Variants in NEK11 observed in about 807,000 individuals in gnomAD.
The protein encoded by NEK11 is serine/threonine-protein kinase Nek11.
In NEK11, 72 loss-of-function variants were observed where a neutral mutation model predicts 80.7. The ratio of observed to expected loss-of-function variants is 0.89; its 90% CI spans 0.74 to 1.08. The LOEUF (loss-of-function observed/expected upper bound fraction) is 1.08. NEK11 is among the 50% of genes least tolerant of loss of function. The pLI, the probability that NEK11 is intolerant of heterozygous loss-of-function variation, is 0.00. For synonymous variants in NEK11, 251 were observed against 260.7 expected (o/e 0.96, Z 0.36); for missense variants, 764 against 763.6 (o/e 1.00, Z -0.01).
chr3:131,245,003 G>T (rs2095575896), intron 16 of NEK11, among the ~76,000 whole-genome samples: 2 of 151,978 alleles, frequency 1.3e-5, no homozygotes, highest in Admixed American at 6.6e-5. Flanking sequence ...ATTGCACAGT[G>T]GTAAAGTCTG....
At chr3:131,289,128 G>A (rs2096515361) in intron 17 of NEK11, among the ~76,000 whole-genome samples, 1 of 152,310 alleles carries the variant, frequency 6.6e-6, no homozygotes, top group East Asian at 1.9e-4. Context: ...GGTGCCAGCA[G>A]GTTTGGTTTC....
chr3:131,224,273 T>C (rs1370053159), intron 14 of NEK11, among the ~76,000 whole-genome samples: 1 of 152,090 alleles, frequency 6.6e-6, no homozygotes, highest in Non-Finnish European at 1.5e-5. Context: ...TGTTACCCAG[T>C]CTGGAGTGCA....
chr3:131,220,804 A>C (rs1186444367), intron 14 of NEK11, among the ~76,000 whole-genome samples: 1 of 152,176 alleles, frequency 6.6e-6, no homozygotes, highest in Non-Finnish European at 1.5e-5. Context: ...CACCTGGAGA[A>C]AGCTCCAGCC....
At chr3:131,295,711 T>C (rs538668952) in intron 17 of NEK11, among the ~76,000 whole-genome samples, 110 of 152,354 alleles carry the variant, frequency 7.2e-4, no homozygotes, top group African/African-American at 2.5e-3. Context: ...TATTGATTTC[T>C]TTTTATGGTT....
At chr3:131,159,944 G>T (rs1354149382) in intron 10 of NEK11, among the ~76,000 whole-genome samples, 1 of 152,150 alleles carries the variant, frequency 6.6e-6, no homozygotes, top group Non-Finnish European at 1.5e-5. Flanking sequence ...TCATGTCCCT[G>T]AAAGAGGTGG....
intron 17 of NEK11, among the ~76,000 whole-genome samples, chr3:131,320,583 A>C (rs192369794): frequency 6.6e-6 from 1 of 152,096 alleles, no homozygotes; most frequent in African/African-American, 2.4e-5. Context: ...AACTCCTTCT[A>C]CAGTACCTTT....
chr3:131,329,923 G>C (rs114662112), intron 17 of NEK11: 1 of 152,240 alleles, frequency 6.6e-6, no homozygotes, highest in African/African-American at 2.4e-5. Context: ...CTGAGATGAA[G>C]AGTCCAATAG....
intron 14 of NEK11, among the ~76,000 whole-genome samples, chr3:131,178,422 T>C (rs930947334): frequency 6.6e-6 from 1 of 152,262 alleles, no homozygotes; most frequent in African/African-American, 2.4e-5. Context: ...ATTGTACAGC[T>C]GTACAAGAAT....
chr3:131,313,233 T>A (rs1020228368), intron 17 of NEK11, among the ~76,000 whole-genome samples: 5 of 152,220 alleles, frequency 3.3e-5, no homozygotes, highest in African/African-American at 1.2e-4. Flanking sequence ...TTGATCAGCA[T>A]TGAGGTTGAT....
At chr3:131,260,358 AC>A (rs2095894174) in intron 16 of NEK11, among the ~76,000 whole-genome samples, 1 of 152,060 alleles carries the variant, frequency 6.6e-6, no homozygotes, top group South Asian at 2.1e-4. Flanking sequence ...GAGTCTTCAC[AC>A]CTGTAAGATG....
chr3:131,264,879 T>G (rs1284400488), intron 16 of NEK11, among the ~76,000 whole-genome samples: 1 of 152,216 alleles, frequency 6.6e-6, no homozygotes, highest in Non-Finnish European at 1.5e-5. Context: ...TTGTGTCCTC[T>G]TTTATTTCAT....
chr3:131,281,901 G>A (rs1006179873), intron 17 of NEK11, among the ~76,000 whole-genome samples: 8 of 152,020 alleles, frequency 5.3e-5, no homozygotes, highest in African/African-American at 1.9e-4. Flanking sequence ...TTGGAATTTA[G>A]GAAGCTATAT....
At chr3:131,248,080 A>C (rs907738158) in intron 16 of NEK11, among the ~76,000 whole-genome samples, 5 of 151,952 alleles carry the variant, frequency 3.3e-5, no homozygotes, top group African/African-American at 9.7e-5. Context: ...TTTGGGTGCT[A>C]TTTATTTTTC....
intron 9 of NEK11, among the ~76,000 whole-genome samples, chr3:131,153,017 G>A (rs1300383187): frequency 3.3e-5 from 5 of 152,128 alleles, no homozygotes; most frequent in Non-Finnish European, 7.4e-5. Context: ...AACCCAGGAG[G>A]TGGAGGTTGC....
At chr3:131,098,178 G>C (rs927596284) in intron 4 of NEK11, among the ~76,000 whole-genome samples, 38 of 152,112 alleles carry the variant, frequency 2.5e-4, no homozygotes, top group African/African-American at 9.2e-4. Context: ...AGACTTAAAC[G>C]TTAGACCTAA....
At chr3:131,295,133 AT>A (rs2096580447) in intron 17 of NEK11, among the ~76,000 whole-genome samples, 2 of 151,740 alleles carry the variant, frequency 1.3e-5, no homozygotes, top group African/African-American at 2.4e-5. Flanking sequence ...ACTGTTTTCT[AT>A]TTGTTGTCTC....
intron 5 of NEK11, among the ~76,000 whole-genome samples, chr3:131,119,497 T>A (rs903749608): frequency 5.9e-5 from 9 of 152,094 alleles, no homozygotes; most frequent in East Asian, 1.9e-4. Context: ...TGCTTGGTGC[T>A]GAGCTGAGTT....
chr3:131,223,964 C>T, intron 14 of NEK11, among the ~76,000 whole-genome samples: 1 of 152,090 alleles, frequency 6.6e-6, no homozygotes, highest in Non-Finnish European at 1.5e-5. Flanking sequence ...TTGCAATTGT[C>T]TAATACAGTC....
intron 17 of NEK11, among the ~76,000 whole-genome samples, chr3:131,273,952 G>T (rs2096246580): frequency 6.8e-6 from 1 of 146,618 alleles, no homozygotes; most frequent in South Asian, 2.1e-4. Flanking sequence ...TACCAGAGTG[G>T]TCTTTTTTTT....
Sources: gnomAD v4.1 joint callset for allele counts (sites outside exome capture counted in the v4.1 genomes callset) on GRCh38, gnomAD v4.1.1 for gene constraint, MANE v1.5 for transcripts, NCBI Gene and HGNC (gene_info 2026-07-23, HGNC 2026-07-21) for gene names.